HOMER1: variants seen among roughly 807,000 people sequenced by gnomAD.
HOMER1 encodes the protein homer protein homolog 1.
HOMER1 carries 3 observed loss-of-function variants against 48.9 expected under a neutral mutation model. The ratio of observed to expected loss-of-function variants is 0.06; its 90% confidence interval spans 0.03 to 0.16. HOMER1 has a LOEUF of 0.16. Among genes scored for constraint, HOMER1 ranks in the 10% least tolerant of loss-of-function variants. The probability of loss-of-function intolerance (pLI) is 1.00; values close to 1 mark genes in which losing one functional copy is unlikely to be tolerated. For missense variants in HOMER1, 247 were observed against 411.4 expected, an observed-to-expected ratio of 0.60 and a Z score of 3.46; for synonymous variants, 134 against 146.4, an observed-to-expected ratio of 0.92 and a Z score of 0.61.
intron 7 of HOMER1, 136 bp downstream of exon 7, chr5:79,397,391 T>C: frequency 1.5e-6 from 1 of 647,828 alleles, no homozygotes. Flanking sequence ...TTAATACCAC[T>C]CAAGAAAAAT....
chr5:79,417,078 G>A (rs535387425), intron 5 of HOMER1, among the ~76,000 whole-genome samples: 3 of 151,862 alleles, frequency 2.0e-5, no homozygotes, highest in Non-Finnish European at 4.4e-5. Context: ...TGTGAATTAT[G>A]TATCTACTAG....
At chr5:79,438,897 T>TA in intron 5 of HOMER1, 113 bp downstream of exon 5, 1 of 674,018 alleles carries the variant, frequency 1.5e-6, no homozygotes. Flanking sequence ...AAAAAAAAAG[T>TA]CAAAGTCAAC....
chr5:79,468,576 G>A (rs1467040786), intron 1 of HOMER1, among the ~76,000 whole-genome samples: 3 of 152,098 alleles, frequency 2.0e-5, no homozygotes, highest in East Asian at 1.9e-4. Context: ...ATTTCTAGTG[G>A]AGAACGTTGG....
chr5:79,381,837 A>G (rs1290709602), intron 8 of HOMER1, among the ~76,000 whole-genome samples: 3 of 151,958 alleles, frequency 2.0e-5, no homozygotes, highest in Non-Finnish European at 4.4e-5. Flanking sequence ...GTAAGCCAAG[A>G]TCATGCCACT....
chr5:79,454,408 C>A (rs375264136), intron 2 of HOMER1, among the ~76,000 whole-genome samples: 69 of 151,466 alleles, frequency 4.6e-4, no homozygotes, highest in African/African-American at 1.5e-3. Context: ...TCGTTTGGGC[C>A]CAGAAACAAA....
intron 1 of HOMER1, among the ~76,000 whole-genome samples, chr5:79,504,957 T>C (rs1224438095): frequency 1.3e-5 from 2 of 152,174 alleles, no homozygotes; most frequent in Non-Finnish European, 2.9e-5. Flanking sequence ...GTATCAGAGC[T>C]ATGTCTCTCA....
intron 5 of HOMER1, among the ~76,000 whole-genome samples, chr5:79,417,584 C>T (rs891236613): frequency 2.0e-5 from 3 of 152,222 alleles, no homozygotes; most frequent in Non-Finnish European, 4.4e-5. Flanking sequence ...TTTCTTTCAA[C>T]TCTTATGAAT....
At chr5:79,437,544 C>T (rs1719106520) in intron 5 of HOMER1, among the ~76,000 whole-genome samples, 1 of 152,194 alleles carries the variant, frequency 6.6e-6, no homozygotes, top group African/African-American at 2.4e-5. Context: ...TATACCACAA[C>T]AATAAATCTA....
Position 79,398,308 on chromosome 5 carries a change from TACAC to T in HOMER1, c.685-675_685-672del, listed in dbSNP as rs139315456. ...AGCAATAGACAGAAGTCAATATAAA[TACAC>T]ACACACACACACACACACATGCACA... is the stretch of plus-strand genomic sequence containing the variant. On this transcript the variant is annotated intron_variant, in intron 6 of 8. Coordinates refer to ENST00000334082, the MANE Select transcript of HOMER1 (RefSeq NM_004272.5). Among the ~76,000 whole-genome samples the T allele has an allele frequency of 6.7e-5, 10 of 149,568 alleles. No individual in the cohort carries two copies. In the East Asian group the frequency reaches 7.9e-4, roughly 12 times the overall value.
intron 5 of HOMER1, among the ~76,000 whole-genome samples, chr5:79,430,770 C>A (rs1249461249): frequency 6.6e-6 from 1 of 151,728 alleles, no homozygotes; most frequent in Non-Finnish European, 1.5e-5. Context: ...AACCCCGTTT[C>A]TACTAAAAAT....
At chr5:79,430,166 A>C (rs1750383547) in intron 5 of HOMER1, among the ~76,000 whole-genome samples, 1 of 152,356 alleles carries the variant, frequency 6.6e-6, no homozygotes, top group East Asian at 1.9e-4. Flanking sequence ...AAGAACTACA[A>C]CTCAACAACA....
chr5:79,400,648 T>C (rs1749510225), intron 6 of HOMER1, among the ~76,000 whole-genome samples: 1 of 151,124 alleles, frequency 6.6e-6, no homozygotes. Flanking sequence ...TGAGCCAATG[T>C]GCCCAGCTTG....
intron 1 of HOMER1, among the ~76,000 whole-genome samples, chr5:79,494,845 G>C (rs1752379221): frequency 6.6e-6 from 1 of 152,216 alleles, no homozygotes; most frequent in South Asian, 2.1e-4. Context: ...CTCCAGCCTG[G>C]GCAACAAGAG....
chr5:79,482,579 C>A (rs1751977142), intron 1 of HOMER1, among the ~76,000 whole-genome samples: 1 of 151,770 alleles, frequency 6.6e-6, no homozygotes, highest in Non-Finnish European at 1.5e-5. Context: ...GAAATCAAAA[C>A]TATCCAAAAT....
intron 5 of HOMER1, among the ~76,000 whole-genome samples, chr5:79,433,584 C>A (rs12518016): frequency 0.24 from 36,986 of 151,786 alleles, 5,692 homozygotes; most frequent in East Asian, 0.75. Context: ...AACAAACAAA[C>A]AAAAAAGATT....
At chr5:79,460,027 TC>T (rs67399608) in intron 1 of HOMER1, among the ~76,000 whole-genome samples, 40,179 of 151,950 alleles carry the variant, frequency 0.26, 5,415 homozygotes, top group South Asian at 0.39. Flanking sequence ...TTTCTTTCTT[TC>T]TTTTCTTTAA....
At chr5:79,418,487 C>CA (rs35915278) in intron 5 of HOMER1, among the ~76,000 whole-genome samples, 30,210 of 152,092 alleles carry the variant, frequency 0.2, 4,247 homozygotes, top group East Asian at 0.43. Flanking sequence ...TCCCTTTCAG[C>CA]GGACATTTGC....
chr5:79,460,686 C>T (rs902092231), intron 1 of HOMER1, among the ~76,000 whole-genome samples: 3 of 152,196 alleles, frequency 2.0e-5, no homozygotes, highest in Admixed American at 1.3e-4. Context: ...TTCACAATGT[C>T]TGGACACAGT....
chr5:79,455,772 T>TACACACTTCTACAC (rs1210077504), intron 2 of HOMER1, among the ~76,000 whole-genome samples: 4 of 152,330 alleles, frequency 2.6e-5, no homozygotes, highest in Non-Finnish European at 5.9e-5. Context: ...AGACCTCATC[T>TACACACTTCTACAC]TTCTACACAC....
Sources: gnomAD v4.1 joint callset for allele counts (sites outside exome capture counted in the v4.1 genomes callset) on GRCh38, gnomAD v4.1.1 for gene constraint, MANE v1.5 for transcripts, NCBI Gene and HGNC (gene_info 2026-07-23, HGNC 2026-07-21) for gene names.